PLPP7: variants seen among roughly 807,000 people sequenced by gnomAD.
The protein encoded by PLPP7 is phospholipid phosphatase 7 (inactive).
In PLPP7, 11 loss-of-function variants were observed where a neutral mutation model predicts 16.9. The ratio of observed to expected loss-of-function variants is 0.65; its 90% CI spans 0.41 to 1.08. The LOEUF (loss-of-function observed/expected upper bound fraction) is 1.08. PLPP7 is among the 50% of genes least tolerant of loss of function. The pLI is 0.00. For synonymous variants in PLPP7, 174 were observed against 175.1 expected (o/e 0.99, Z 0.05); for missense variants, 358 against 397.1 (o/e 0.90, Z 0.84).
chr9:131,298,835 C>T (rs974387734), intron 1 of PLPP7, among the ~76,000 whole-genome samples: 2 of 152,194 alleles, frequency 1.3e-5, no homozygotes, highest in East Asian at 1.9e-4. Context: ...GGGTGGGCCT[C>T]GAGGTGGGTT....
At chr9:131,291,260 G>T (rs79095292) in intron 1 of PLPP7, 1 of 1,316,948 alleles carries the variant, frequency 7.6e-7, no homozygotes, top group East Asian at 4.8e-5. Context: ...CACCCTCCAC[G>T]CCAGGCCCGC....
chr9:131,301,142 T>C (rs879940885), intron 1 of PLPP7, among the ~76,000 whole-genome samples: 13 of 152,150 alleles, frequency 8.5e-5, no homozygotes, highest in Non-Finnish European at 1.5e-4. Flanking sequence ...CTAATTTTTG[T>C]TTTTTCAGTA....
chr9:131,291,327 G>C, intron 1 of PLPP7: 1 of 1,195,336 alleles, frequency 8.4e-7, no homozygotes, highest in Non-Finnish European at 1.1e-6. Context: ...GTGAGGTGGA[G>C]GTCTCAGGCA....
intron 1 of PLPP7, among the ~76,000 whole-genome samples, chr9:131,294,562 A>T (rs1471584363): frequency 6.6e-6 from 1 of 152,148 alleles, no homozygotes; most frequent in African/African-American, 2.4e-5. Context: ...CAGTTCACTA[A>T]GCCCATCCTT....
intron 1 of PLPP7, among the ~76,000 whole-genome samples, chr9:131,293,228 C>T (rs909881066): frequency 1.7e-5 from 2 of 120,518 alleles, no homozygotes; most frequent in Non-Finnish European, 3.6e-5. Flanking sequence ...CGCTGCTCAC[C>T]GTGGGGCTGC....
chr9:131,301,642 A>C (rs754249682), intron 1 of PLPP7, among the ~76,000 whole-genome samples: 1 of 152,094 alleles, frequency 6.6e-6, no homozygotes, highest in Non-Finnish European at 1.5e-5. Context: ...CCAGGACCAG[A>C]GCCTCCCACA....
At chr9:131,294,437 C>T (rs1297698267) in intron 1 of PLPP7, among the ~76,000 whole-genome samples, 1 of 152,160 alleles carries the variant, frequency 6.6e-6, no homozygotes, top group African/African-American at 2.4e-5. Context: ...CTGCCAGGTA[C>T]CTTCCAAGCT....
At chr9:131,298,917 G>A (rs1835766001) in intron 1 of PLPP7, among the ~76,000 whole-genome samples, 1 of 152,196 alleles carries the variant, frequency 6.6e-6, no homozygotes, top group African/African-American at 2.4e-5. Context: ...TTCCTGCATG[G>A]GGGGTTCAGA....
In PLPP7 at chr9:131,290,570, G is replaced by A. The variant is rs1396729894; in HGVS notation, c.451+122G>A. On this transcript the variant is annotated intron_variant, in intron 1 of 1. Transcript: ENST00000372264. This position sits in a 1 kb window ranked among gnomAD's most constrained non-coding sequence, Gnocchi z 4.2. ...GAAACCGGCTGGGATGGTCTAATGA[G>A]GTTAGGCAGGAAGGGTGCCCCAGAA... The A allele has an allele frequency of 2.1e-6, 2 of 948,456 alleles. No individual in the cohort carries two copies. The highest frequency in any genetic ancestry group is 3.2e-5 in the Admixed American group (1 of 30,994). The allele number at this position is 948,456 out of a possible 1,614,324, so 58.8% of individuals were successfully genotyped here. A position where few individuals can be genotyped will look rare whatever the true frequency, so the allele number is the denominator to read the frequency against.
Position 131,295,881 on chromosome 9 carries a change from C to A in PLPP7, c.451+5433C>A, listed in dbSNP as rs1400561104. ...TAATGCTCAGTTACAGGATGGACCA[C>A]ATTTCGTGTATCCATTCGTGCACCC... On this transcript the variant is annotated intron_variant, in intron 1 of 1. Coordinates refer to ENST00000372264, the MANE Select transcript of PLPP7 (RefSeq NM_032728.4). The surrounding 1 kb of genome is among the most constrained non-coding windows in gnomAD (Gnocchi z 4.0). Among the ~76,000 whole-genome samples the A allele has an allele frequency of 2.0e-5, 3 of 152,174 alleles. No individual in the cohort carries two copies. The highest frequency in any genetic ancestry group is 4.4e-5 in the Non-Finnish European group (3 of 68,034).
At chr9:131,301,102 GGGACTAC>G in intron 1 of PLPP7, among the ~76,000 whole-genome samples, 1 of 152,088 alleles carries the variant, frequency 6.6e-6, no homozygotes. Context: ...CCAAGTAGCT[GGGACTAC>G]AGGTGCCTGC....
intron 1 of PLPP7, chr9:131,292,790 A>G: frequency 1.0e-6 from 1 of 985,168 alleles, no homozygotes; most frequent in Non-Finnish European, 1.2e-6. Flanking sequence ...TTTTACAGGA[A>G]TGTTTGCTTT....
chr9:131,304,904 G>A (rs1323941318), intron 1 of PLPP7, among the ~76,000 whole-genome samples: 2 of 152,228 alleles, frequency 1.3e-5, no homozygotes, highest in Non-Finnish European at 2.9e-5. Context: ...ACCATTCAGG[G>A]CCTGAGCTGT....
Position 131,290,584 on chromosome 9 carries a change from G to C in PLPP7, c.451+136G>C, listed in dbSNP as rs1378977626. ...TGGTCTAATGAGGTTAGGCAGGAAG[G>C]GTGCCCCAGAAACAGGCAGGCTCCG... On this transcript the variant is annotated intron_variant, in intron 1 of 1. Transcript: ENST00000372264. This position sits in a 1 kb window ranked among gnomAD's most constrained non-coding sequence, Gnocchi z 4.2. 25 of 825,248 alleles carry C rather than the reference G, an allele frequency of 3.0e-5. No individual in the cohort carries two copies. Among genetic ancestry groups the C allele is most frequent in the Non-Finnish European group, 4.4e-5 (25 of 571,894 alleles). The allele number at this position is 825,248 out of a possible 1,614,324, so 51.1% of individuals were successfully genotyped here.
chr9:131,296,523 G>A (rs771596768), intron 1 of PLPP7, among the ~76,000 whole-genome samples: 9 of 152,130 alleles, frequency 5.9e-5, no homozygotes, highest in Non-Finnish European at 1.2e-4. Flanking sequence ...CAAAGTGCTG[G>A]GATTATAGGC....
chr9:131,299,273 T>C (rs1835769238), intron 1 of PLPP7, among the ~76,000 whole-genome samples: 2 of 152,126 alleles, frequency 1.3e-5, no homozygotes, highest in South Asian at 2.1e-4. Flanking sequence ...TCCAGGGCAG[T>C]GCAGCTCCCA....
rs1835641523 is a variant in PLPP7, at chr9:131,289,847, C to T, written c.-151C>T. ...CTGGGTGGCAGAGGAGATAAACAGC[C>T]ATGTGCAACTCTCCACACTATATTT... On this transcript the variant is annotated 5_prime_UTR_variant, in exon 1 of 2. Coordinates refer to ENST00000372264, the MANE Select transcript of PLPP7 (RefSeq NM_032728.4). 9.2e-6 allele frequency: 5 copies of T among 545,894 alleles called. No homozygotes were observed. The Admixed American group carries it at 1.7e-4, about 19-fold the overall frequency. The allele number at this position is 545,894 out of a possible 1,614,324, so 33.8% of individuals were successfully genotyped here.
intron 1 of PLPP7, among the ~76,000 whole-genome samples, chr9:131,302,789 C>A (rs1304848837): frequency 6.6e-6 from 1 of 152,130 alleles, no homozygotes; most frequent in Non-Finnish European, 1.5e-5. Flanking sequence ...CGATTCAAAC[C>A]CCAAACAGAG....
rs1308120699 is a variant in PLPP7, at chr9:131,307,677, T to A, written c.452-246T>A. ...GAGGGGAGACAGCGTGGTGGGGGCT[T>A]TTTACAAACAGCGTGGTCAGGGAAG... On this transcript the variant is annotated intron_variant, in intron 1 of 1. Coordinates refer to ENST00000372264, the MANE Select transcript of PLPP7 (RefSeq NM_032728.4). Among the ~76,000 whole-genome samples the A allele has an allele frequency of 2.6e-5, 4 of 151,710 alleles. No individual in the cohort carries two copies. The East Asian group carries it at 7.7e-4, about 29-fold the overall frequency.
Sources: allele counts gnomAD v4.1 joint callset (sites outside exome capture counted in the v4.1 genomes callset), GRCh38; gene constraint gnomAD v4.1.1; non-coding constraint Gnocchi (gnomAD v3.1); transcripts MANE v1.5; gene names NCBI Gene and HGNC (gene_info 2026-07-23, HGNC 2026-07-21).